Variants in CLVS2 observed in about 807,000 individuals in gnomAD.
CLVS2 encodes clavesin-2.
A neutral mutation model predicts 29.0 loss-of-function variants in CLVS2; 19 were observed. That is an observed-to-expected ratio of 0.66 (90% CI 0.46 to 0.96). The LOEUF (loss-of-function observed/expected upper bound fraction) is 0.96. CLVS2 is among the 40% of genes least tolerant of loss of function. CLVS2 has a pLI of 0.00. For synonymous variants in CLVS2, 161 were observed against 151.3 expected (o/e 1.06, Z -0.47); for missense variants, 294 against 404.1 (o/e 0.73, Z 2.34).
chr6:122,997,581 G>A lies in CLVS2; in HGVS notation c.-197G>A, dbSNP rs991358352. 3.3e-5 allele frequency: 20 copies of A among 611,074 alleles called. No individual in the cohort carries two copies. Among genetic ancestry groups the A allele is most frequent in the Admixed American group, 1.5e-4 (5 of 33,058 alleles). The allele number at this position is 611,074 out of a possible 1,614,324, so 37.9% of individuals were successfully genotyped here. On this transcript the variant is annotated 5_prime_UTR_variant, in exon 2 of 6. Coordinates refer to ENST00000275162, the MANE Select transcript of CLVS2 (RefSeq NM_001010852.4). ...GCAGAGGAAGAAGTTTACACCCCCC[G>A]GCCCCCCCAGCTTTGCTGGGGGAAA...
rs1377954350 is a variant in CLVS2, at chr6:123,009,665, C to G, written c.390-1320C>G. ...TTCCCTGAGGTCCAGATCTCTTTCT[C>G]TAGCTATTCCTGAAATCTCTCCTGA... On this transcript the variant is annotated intron_variant, in intron 2 of 5. Transcript: ENST00000275162. Among the ~76,000 whole-genome samples, 6 of 152,146 alleles carry G rather than the reference C, an allele frequency of 3.9e-5. No individual in the cohort carries two copies. The East Asian group carries it at 1.2e-3, about 29-fold the overall frequency.
chr6:123,017,812 C>T (rs920546385), intron 3 of CLVS2, among the ~76,000 whole-genome samples: 1 of 151,974 alleles, frequency 6.6e-6, no homozygotes, highest in African/African-American at 2.4e-5. Flanking sequence ...ATGTATTTTT[C>T]TTGTGTTAAA....
chr6:123,046,668 A>T (rs1021575540), intron 3 of CLVS2, among the ~76,000 whole-genome samples: 3 of 151,868 alleles, frequency 2.0e-5, no homozygotes, highest in South Asian at 2.1e-4. Context: ...CAAAAAAAAA[A>T]AAAAATAATA....
intron 3 of CLVS2, among the ~76,000 whole-genome samples, chr6:123,026,285 T>C (rs1353200697): frequency 6.6e-6 from 1 of 152,200 alleles, no homozygotes; most frequent in African/African-American, 2.4e-5. Context: ...TGAAATTTTC[T>C]TTTTTATTTT....
Position 123,063,948 on chromosome 6 carries a change from G to C in CLVS2, c.*187G>C. The C allele has an allele frequency of 2.2e-6, 1 of 446,242 alleles. No homozygotes were observed. Among genetic ancestry groups the C allele is most frequent in the East Asian group, 3.5e-5 (1 of 28,296 alleles). The allele number at this position is 446,242 out of a possible 1,614,324, so 27.6% of individuals were successfully genotyped here. ...GGGCCCTGGGCTGGATTTTTAAAAT[G>C]TCAATAATTTATTCTGTAAGTGCCA... On this transcript the variant is annotated 3_prime_UTR_variant, in exon 6 of 6. Transcript: ENST00000275162.
Position 122,996,578 on chromosome 6 carries a change from C to T in CLVS2, c.-728C>T, listed in dbSNP as rs1037443657. 2.0e-5 allele frequency: 3 copies of T among 153,142 alleles called. No individual in the cohort carries two copies. Among genetic ancestry groups the T allele is most frequent in the Non-Finnish European group, 4.4e-5 (3 of 68,376 alleles). 9.5% of individuals were successfully genotyped at this position (153,142 alleles called of 1,614,324 possible). Reference sequence around the variant, plus strand: ...GCGGACGATGTGGCCGCGGCTGCTCCCGAGCGCATCTTCGGCCCGGGTCCC... The same window carrying T: ...GCGGACGATGTGGCCGCGGCTGCTCTCGAGCGCATCTTCGGCCCGGGTCCC... On this transcript the variant is annotated 5_prime_UTR_variant, in exon 1 of 6. Coordinates refer to ENST00000275162, the MANE Select transcript of CLVS2 (RefSeq NM_001010852.4).
At chr6:123,033,468 GCTT>G (rs1775110489) in intron 3 of CLVS2, among the ~76,000 whole-genome samples, 1 of 152,006 alleles carries the variant, frequency 6.6e-6, no homozygotes, top group Non-Finnish European at 1.5e-5. Context: ...TTGAAATATA[GCTT>G]TTCAACAAAT....
intron 2 of CLVS2, among the ~76,000 whole-genome samples, chr6:123,009,021 T>C (rs1346419347): frequency 6.6e-6 from 1 of 152,166 alleles, no homozygotes; most frequent in East Asian, 1.9e-4. Context: ...ATTTATACTC[T>C]GCCTAGTAAA....
At chr6:123,040,268 C>T (rs1468161981) in intron 3 of CLVS2, among the ~76,000 whole-genome samples, 3 of 152,154 alleles carry the variant, frequency 2.0e-5, no homozygotes, top group Non-Finnish European at 4.4e-5. Flanking sequence ...TAGGTTTTTT[C>T]CCCATAATAA....
At chr6:123,033,645 A>G (rs141077225) in intron 3 of CLVS2, among the ~76,000 whole-genome samples, 121 of 152,218 alleles carry the variant, frequency 7.9e-4, no homozygotes, top group African/African-American at 2.7e-3. Context: ...TTTAGGATCT[A>G]TGGCTGGGCA....
chr6:122,997,953 G>C lies in CLVS2; in HGVS notation c.176G>C (p.Arg59Pro). The C allele has an allele frequency of 1.2e-6, 2 of 1,614,086 alleles. No individual in the cohort carries two copies. The highest frequency in any genetic ancestry group is 1.7e-6 in the Non-Finnish European group (2 of 1,179,988). Residue 59 changes from arginine (R) to proline (P), a missense_variant, in exon 2 of 6, where the codon CGG (arginine) becomes CCG (proline). Physicochemically the swap from Arg to Pro is moderately radical, Grantham distance 103. Around this residue, in one of 2 missense-constraint regions of CLVS2, gnomAD observed 212 missense variants for 336.4 expected, o/e 0.63. Coordinates refer to ENST00000275162, the MANE Select transcript of CLVS2 (RefSeq NM_001010852.4). ...TDDAFILRFL[R>P]ARKFHHFEAF... ...GATGCCTTCATCTTACGCTTCTTGC[G>C]GGCTAGGAAGTTTCATCACTTTGAG...
chr6:123,051,137 C>A (rs1475754533), intron 4 of CLVS2, among the ~76,000 whole-genome samples: 1 of 152,084 alleles, frequency 6.6e-6, no homozygotes, highest in African/African-American at 2.4e-5. Context: ...ACTCACACAC[C>A]TTATGCTTCG....
At position 123,032,639 on chromosome 6, in the gene CLVS2, C is replaced by T. The variant is rs958443549; in HGVS notation, c.565-15983C>T. ...TTGGTTGTAGAGTGGGTGAATGCTG[C>T]ATGGCTATAGGAGTATGTGAAGTAG... On this transcript the variant is annotated intron_variant, in intron 3 of 5. Coordinates refer to ENST00000275162, the MANE Select transcript of CLVS2 (RefSeq NM_001010852.4). Among the ~76,000 whole-genome samples the T allele has an allele frequency of 3.9e-5, 6 of 152,006 alleles. No homozygotes were observed. The East Asian group carries it at 1.2e-3, about 29-fold the overall frequency.
In CLVS2 at chr6:123,064,460, T is replaced by G. The variant is rs1396518107; in HGVS notation, c.*699T>G. The G allele has an allele frequency of 6.6e-6, 1 of 151,952 alleles. No individual in the cohort carries two copies. The highest frequency in any genetic ancestry group is 1.9e-4 in the East Asian group (1 of 5,190). The allele number at this position is 151,952 out of a possible 1,614,324, so 9.4% of individuals were successfully genotyped here. Reference sequence around the variant, plus strand: ...TAGAAATGTAAAAAAGAGTGGATTCTTTTTAAATTGCTGTCTTCACAATGT... The same window carrying G: ...TAGAAATGTAAAAAAGAGTGGATTCGTTTTAAATTGCTGTCTTCACAATGT... On this transcript the variant is annotated 3_prime_UTR_variant, in exon 6 of 6. Coordinates refer to ENST00000275162, the MANE Select transcript of CLVS2 (RefSeq NM_001010852.4).
At chr6:123,016,504 T>A (rs1437287234) in intron 3 of CLVS2, among the ~76,000 whole-genome samples, 4 of 151,994 alleles carry the variant, frequency 2.6e-5, no homozygotes, top group African/African-American at 9.7e-5. Context: ...ATTTATGTTT[T>A]TCTCCCTTGC....
In CLVS2 at chr6:123,057,276, C is replaced by A. The variant is rs555084578; in HGVS notation, c.896+1250C>A. 2.0e-5 allele frequency among the ~76,000 whole-genome samples: 3 copies of A among 151,052 alleles called. No homozygotes were observed. In the South Asian group the frequency reaches 6.3e-4, roughly 32 times the overall value. ...TCCTTCTCTGATGAAAGCCTTAAGG[C>A]CCTTTGCCCATAGCTCTGACTCATG... On this transcript the variant is annotated intron_variant, in intron 5 of 5. Coordinates refer to ENST00000275162, the MANE Select transcript of CLVS2 (RefSeq NM_001010852.4).
rs142757005 is a variant in CLVS2 at position 122,998,039 on chromosome 6, A to C, written c.262A>C (p.Ser88Arg). 13 of 1,614,034 alleles carry C rather than the reference A, an allele frequency of 8.1e-6. No homozygotes were observed. The African/African-American group carries it at 1.6e-4, about 20-fold the overall frequency. ...YRQQNLDMFK[S>R]FKATDPGIKQ... ...GCAGCAGAACCTGGACATGTTCAAA[A>C]GCTTTAAGGCCACCGACCCTGGCAT... The change falls in exon 2 of 6, where the codon AGC (serine) becomes CGC (arginine). Residue 88 changes from serine (S) to arginine (R), a missense_variant. Coordinates refer to ENST00000275162, the MANE Select transcript of CLVS2 (RefSeq NM_001010852.4).
intron 3 of CLVS2, among the ~76,000 whole-genome samples, chr6:123,016,364 G>GT (rs1774834673): frequency 6.6e-6 from 1 of 151,144 alleles, no homozygotes; most frequent in African/African-American, 2.4e-5. Context: ...GGGTTACTGT[G>GT]TTTTTTTAAT....
At chr6:123,011,648 T>A (rs1774749200) in intron 3 of CLVS2, among the ~76,000 whole-genome samples, 1 of 151,980 alleles carries the variant, frequency 6.6e-6, no homozygotes, top group Non-Finnish European at 1.5e-5. Context: ...TTCATTGGGT[T>A]TTTTTGTGAG....
Sources: gnomAD v4.1 joint callset for allele counts (sites outside exome capture counted in the v4.1 genomes callset) on GRCh38, gnomAD v4.1.1 for gene constraint, gnomAD v4.1.1 regional missense constraint, MANE v1.5 for transcripts, NCBI Gene and HGNC (gene_info 2026-07-23, HGNC 2026-07-21) for gene names.